The following VGLL4 variants were observed in gnomAD, a reference collection of about 807,000 sequenced individuals.
VGLL4 encodes the protein vestigial like family member 4.
A neutral mutation model predicts 21.0 loss-of-function variants in VGLL4; 7 were observed. The observed-to-expected ratio is 0.33, with a 90% CI of 0.19 to 0.63. The LOEUF is 0.63. Ranked by LOEUF, VGLL4 falls within the 20% of genes least tolerant of loss-of-function variation. The pLI is 0.78. For synonymous variants in VGLL4, 222 were observed against 173.2 expected, an observed-to-expected ratio of 1.28 and a Z score of -2.21; for missense variants, 394 against 425.7, an observed-to-expected ratio of 0.93 and a Z score of 0.66.
chr3:11,651,773 G>A (rs975136374), intron 2 of VGLL4, among the ~76,000 whole-genome samples: 2 of 151,386 alleles, frequency 1.3e-5, no homozygotes, highest in Non-Finnish European at 2.9e-5. Context: ...AAAAATCAGC[G>A]ACATAAACCA....
At chr3:11,598,041 T>C (rs78796578) in intron 2 of VGLL4, among the ~76,000 whole-genome samples, 1 of 145,640 alleles carries the variant, frequency 6.9e-6, no homozygotes, top group Non-Finnish European at 1.5e-5. Flanking sequence ...CTTTTTTTTT[T>C]ATAAGACATC....
At chr3:11,715,090 G>A (rs1311457406) in intron 1 of VGLL4, among the ~76,000 whole-genome samples, 2 of 150,354 alleles carry the variant, frequency 1.3e-5, no homozygotes, top group Non-Finnish European at 3.0e-5. Flanking sequence ...AGCCGAGATC[G>A]CGCCGCTGCA....
chr3:11,559,881 A>G (rs770769830), intron 3 of VGLL4, among the ~76,000 whole-genome samples: 29 of 152,000 alleles, frequency 1.9e-4, no homozygotes, highest in African/African-American at 4.4e-4. Context: ...GGACACTTCA[A>G]TACACGGCAA....
At chr3:11,581,080 A>AAAAAAAGATAACTCTTTCTCT (rs2074210961) in intron 2 of VGLL4, among the ~76,000 whole-genome samples, 1 of 143,384 alleles carries the variant, frequency 7.0e-6, no homozygotes, top group Non-Finnish European at 1.5e-5. Context: ...TTTTTTTTTA[A>AAAAAAAGATAACTCTTTCTCT]AAAAAAAGAT....
intron 2 of VGLL4, among the ~76,000 whole-genome samples, chr3:11,589,941 A>G (rs2074446645): frequency 6.6e-6 from 1 of 152,202 alleles, no homozygotes. Context: ...CTTCCACACG[A>G]GAATTTTGAG....
chr3:11,642,826 G>A (rs2075721756), intron 1 of VGLL4, among the ~76,000 whole-genome samples: 1 of 152,166 alleles, frequency 6.6e-6, no homozygotes, highest in Non-Finnish European at 1.5e-5. Flanking sequence ...AGCGGAGCGC[G>A]AGGAACACCC....
intron 2 of VGLL4, among the ~76,000 whole-genome samples, chr3:11,680,693 T>TA (rs1675661992): frequency 6.6e-6 from 1 of 152,194 alleles, no homozygotes. Context: ...ACAGTCCACT[T>TA]AGTGTCCACC....
At chr3:11,643,297 C>T in intron 1 of VGLL4, 140 bp downstream of exon 1, 1 of 1,339,246 alleles carries the variant, frequency 7.5e-7, no homozygotes, top group Non-Finnish European at 1.0e-6. Flanking sequence ...GGTGCCGAAC[C>T]GAACCTAAGA....
chr3:11,676,413 AAATAATAATAATAAT>A (rs1166202347), intron 2 of VGLL4, among the ~76,000 whole-genome samples: 1 of 46,914 alleles, frequency 2.1e-5, no homozygotes, highest in Non-Finnish European at 7.3e-5. Context: ...AAAAAAAATA[AAATAATAATAATAAT>A]AATAATAATA....
At chr3:11,692,440 A>C (rs1559947701) in intron 2 of VGLL4, among the ~76,000 whole-genome samples, 1 of 152,222 alleles carries the variant, frequency 6.6e-6, no homozygotes, top group Non-Finnish European at 1.5e-5. Flanking sequence ...TTGAATTAGA[A>C]TAGACTACTG....
chr3:11,583,160 T>C (rs2074278202), intron 2 of VGLL4, among the ~76,000 whole-genome samples: 1 of 152,192 alleles, frequency 6.6e-6, no homozygotes, highest in East Asian at 1.9e-4. Flanking sequence ...AAGACCCTGA[T>C]ATACCCAAGC....
At chr3:11,598,001 T>A (rs2074688875) in intron 2 of VGLL4, among the ~76,000 whole-genome samples, 1 of 150,654 alleles carries the variant, frequency 6.6e-6, no homozygotes, top group Admixed American at 6.7e-5. Flanking sequence ...TAAATCAAAC[T>A]GGATAGAACT....
intron 1 of VGLL4, among the ~76,000 whole-genome samples, chr3:11,617,472 G>T (rs1373487908): frequency 6.6e-6 from 1 of 152,216 alleles, no homozygotes; most frequent in Non-Finnish European, 1.5e-5. Flanking sequence ...CACCATGCCA[G>T]ATGGGTGCAC....
chr3:11,702,937 A>C (rs2076703725), intron 2 of VGLL4: 1 of 1,589,276 alleles, frequency 6.3e-7, no homozygotes, highest in Non-Finnish European at 8.6e-7. Flanking sequence ...TCATTAAAGC[A>C]CTTAAGCTAT....
chr3:11,582,885 C>T (rs893701417), intron 2 of VGLL4, among the ~76,000 whole-genome samples: 3 of 152,170 alleles, frequency 2.0e-5, no homozygotes, highest in Non-Finnish European at 4.4e-5. Context: ...ACCAGCAGAA[C>T]CCTAGGTGAG....
At chr3:11,561,736 G>A (rs1224838911) in intron 3 of VGLL4, among the ~76,000 whole-genome samples, 5 of 151,998 alleles carry the variant, frequency 3.3e-5, no homozygotes, top group African/African-American at 4.8e-5. Flanking sequence ...GTTACGCTGC[G>A]GATTTGTGGC....
chr3:11,629,411 G>C (rs1034918254), intron 1 of VGLL4, among the ~76,000 whole-genome samples: 10 of 151,660 alleles, frequency 6.6e-5, no homozygotes, highest in Admixed American at 6.6e-5. Flanking sequence ...AGATCTTCCA[G>C]GTAAAATTTC....
intron 1 of VGLL4, among the ~76,000 whole-genome samples, chr3:11,613,914 T>C (rs545254816): frequency 6.6e-6 from 1 of 152,310 alleles, no homozygotes; most frequent in Non-Finnish European, 1.5e-5. Flanking sequence ...CACTAGCCGA[T>C]GGAAGGGGTC....
At position 11,596,792 on chromosome 3, in the gene VGLL4, G is replaced by C. The variant is rs771548427; in HGVS notation, c.272+5041C>G. On this transcript the variant is annotated intron_variant, in intron 2 of 4. Coordinates refer to ENST00000430365, the MANE Select transcript of VGLL4 (RefSeq NM_001128219.3). ...AAATCAACACCTGTGGCTGGTGTCT[G>C]CTGTACTATTAGACAAATCAAGTCT... Among the ~76,000 whole-genome samples the C allele has an allele frequency of 2.0e-5, 3 of 152,170 alleles. 1 individual carries two copies. The East Asian group carries it at 5.8e-4, about 29-fold the overall frequency.
Sources: gnomAD v4.1 joint callset for allele counts (sites outside exome capture counted in the v4.1 genomes callset) on GRCh38, gnomAD v4.1.1 for gene constraint, MANE v1.5 for transcripts, NCBI Gene and HGNC (gene_info 2026-07-23, HGNC 2026-07-21) for gene names.